Variants in SMAP1 observed in about 807,000 individuals in gnomAD.
SMAP1 encodes the protein small ArfGAP 1.
A neutral mutation model predicts 58.5 loss-of-function variants in SMAP1; 24 were observed. The observed-to-expected ratio is 0.41, with a 90% CI of 0.30 to 0.58. The LOEUF (loss-of-function observed/expected upper bound fraction) is 0.58. Among genes scored for constraint, SMAP1 ranks in the 20% least tolerant of loss-of-function variants. SMAP1 has a pLI of 0.29. For synonymous variants in SMAP1, 216 were observed against 196.6 expected (o/e 1.10, Z -0.82); for missense variants, 563 against 566.3 (o/e 0.99, Z 0.06).
At chr6:70,707,072 T>C (rs1466944035) in intron 1 of SMAP1, among the ~76,000 whole-genome samples, 1 of 152,184 alleles carries the variant, frequency 6.6e-6, no homozygotes, top group East Asian at 1.9e-4. Context: ...TCAGCTGTTT[T>C]TGACATTAAT....
intron 7 of SMAP1, among the ~76,000 whole-genome samples, chr6:70,851,286 C>G (rs77651627): frequency 0.02 from 3,025 of 152,200 alleles, 88 homozygotes; most frequent in African/African-American, 0.069. Context: ...ATAAAAGATA[C>G]CAATTTCTCT....
chr6:70,777,311 G>A (rs1049145070), intron 4 of SMAP1, among the ~76,000 whole-genome samples: 1 of 152,186 alleles, frequency 6.6e-6, no homozygotes, highest in Non-Finnish European at 1.5e-5. Context: ...GCTGGGAGCT[G>A]TAGACCGGAG....
Position 70,858,079 on chromosome 6 carries a change from C to A in SMAP1, c.1119C>A (p.Pro373=), listed in dbSNP as rs1771512982. The A allele has an allele frequency of 1.2e-6, 2 of 1,613,910 alleles. No individual in the cohort carries two copies. Among genetic ancestry groups the A allele is most frequent in the Admixed American group, 3.3e-5 (2 of 59,984 alleles). ...SPSMMVGMPM[P]NGFMGNAQTG... The stretch of plus-strand genomic sequence containing the variant: ...GCATGATGGTGGGCATGCCCATGCC[C>A]AATGGGTTTATGGGAAATGCACAAA... The change falls in exon 10 of 11, where the codon CCC becomes CCA. Residue 373 remains proline (P), a synonymous_variant. Transcript: ENST00000370455.
intron 1 of SMAP1, among the ~76,000 whole-genome samples, chr6:70,684,179 G>C (rs1766837817): frequency 6.6e-6 from 1 of 152,148 alleles, no homozygotes; most frequent in South Asian, 2.1e-4. Context: ...TTCAAAATTT[G>C]GGATATTTGT....
chr6:70,757,627 G>A (rs533241267), intron 3 of SMAP1, among the ~76,000 whole-genome samples: 30 of 150,936 alleles, frequency 2.0e-4, no homozygotes, highest in East Asian at 9.7e-4. Context: ...TCATCTGACA[G>A]AGGGCTAATA....
chr6:70,756,747 A>G (rs1026437649), intron 3 of SMAP1, among the ~76,000 whole-genome samples: 18 of 152,222 alleles, frequency 1.2e-4, no homozygotes, highest in African/African-American at 4.1e-4. Context: ...GAGCCAAATC[A>G]TGAGTGAACT....
chr6:70,735,119 C>T (rs1048725821), intron 2 of SMAP1, among the ~76,000 whole-genome samples: 11 of 152,028 alleles, frequency 7.2e-5, no homozygotes, highest in South Asian at 2.1e-4. Context: ...TGAAAATAAA[C>T]GTATAAAACC....
chr6:70,755,153 TGTGA>T (rs1208679997), intron 3 of SMAP1, 88 bp downstream of exon 3: 1 of 1,066,168 alleles, frequency 9.4e-7, no homozygotes, highest in Non-Finnish European at 1.4e-6. Context: ...TTTAGGAAGA[TGTGA>T]ACTTTATCAC....
intron 2 of SMAP1, among the ~76,000 whole-genome samples, chr6:70,735,447 T>A (rs1179197241): frequency 1.3e-5 from 2 of 152,228 alleles, no homozygotes; most frequent in Non-Finnish European, 2.9e-5. Context: ...TAATGTTCCA[T>A]ATTCATATGA....
chr6:70,820,895 G>A (rs1451706329), intron 6 of SMAP1, among the ~76,000 whole-genome samples: 2 of 151,936 alleles, frequency 1.3e-5, no homozygotes, highest in Admixed American at 6.6e-5. Context: ...TTTTAAGTAG[G>A]CCAAACTATC....
chr6:70,788,622 C>T (rs1303449851), intron 4 of SMAP1, among the ~76,000 whole-genome samples: 1 of 152,054 alleles, frequency 6.6e-6, no homozygotes, highest in African/African-American at 2.4e-5. Context: ...GCATGGGTTT[C>T]TGAAGAAGAG....
At chr6:70,831,117 C>A (rs1469453780) in intron 6 of SMAP1, among the ~76,000 whole-genome samples, 1 of 152,146 alleles carries the variant, frequency 6.6e-6, no homozygotes, top group Non-Finnish European at 1.5e-5. Context: ...CTGTCTCTTC[C>A]TAGTCCAATA....
chr6:70,712,710 C>A (rs981574552), intron 1 of SMAP1, among the ~76,000 whole-genome samples: 3 of 151,158 alleles, frequency 2.0e-5, no homozygotes, highest in African/African-American at 7.3e-5. Context: ...TTAGGTTATT[C>A]AATTTATTGG....
At chr6:70,794,097 C>G (rs1768492422) in intron 5 of SMAP1, among the ~76,000 whole-genome samples, 1 of 152,308 alleles carries the variant, frequency 6.6e-6, no homozygotes, top group South Asian at 2.1e-4. Context: ...GTACTTACCT[C>G]CATCTTACTG....
intron 1 of SMAP1, among the ~76,000 whole-genome samples, chr6:70,672,141 A>G (rs1468091145): frequency 6.6e-6 from 1 of 152,220 alleles, no homozygotes; most frequent in East Asian, 1.9e-4. Flanking sequence ...TGTAAGACCT[A>G]AAGGAGTTTG....
At chr6:70,680,724 T>G (rs1232618477) in intron 1 of SMAP1, among the ~76,000 whole-genome samples, 4 of 142,216 alleles carry the variant, frequency 2.8e-5, no homozygotes, top group Admixed American at 1.4e-4. Flanking sequence ...TTTTTTTTTT[T>G]TTTTTTTTTT....
At chr6:70,673,887 CTTT>C (rs1281703066) in intron 1 of SMAP1, among the ~76,000 whole-genome samples, 1 of 152,034 alleles carries the variant, frequency 6.6e-6, no homozygotes, top group Admixed American at 6.6e-5. Flanking sequence ...CACAGTTCTT[CTTT>C]GTCTTTTTTG....
intron 4 of SMAP1, among the ~76,000 whole-genome samples, chr6:70,791,301 T>C (rs1768340031): frequency 6.6e-6 from 1 of 152,216 alleles, no homozygotes; most frequent in Admixed American, 6.5e-5. Context: ...TCATTTTTGC[T>C]CTTCTACTAC....
At chr6:70,807,679 A>T (rs1319202115) in intron 6 of SMAP1, among the ~76,000 whole-genome samples, 1 of 152,220 alleles carries the variant, frequency 6.6e-6, no homozygotes, top group Non-Finnish European at 1.5e-5. Context: ...CAAAGCATGG[A>T]ACATGCAAAA....
Sources: allele counts gnomAD v4.1 joint callset (sites outside exome capture counted in the v4.1 genomes callset), GRCh38; gene constraint gnomAD v4.1.1; transcripts MANE v1.5; gene names NCBI Gene and HGNC (gene_info 2026-07-23, HGNC 2026-07-21).